Variants in PTPRM observed in about 807,000 individuals in gnomAD.
PTPRM encodes receptor-type tyrosine-protein phosphatase mu.
Under a neutral mutation model 186.7 loss-of-function variants are expected in PTPRM, and 47 were observed. The observed-to-expected ratio is 0.25, with a 90% confidence interval of 0.20 to 0.32. PTPRM has a LOEUF of 0.32. Ranked by LOEUF, PTPRM falls within the 10% of genes least tolerant of loss-of-function variation. The pLI, the probability that PTPRM is intolerant of heterozygous loss-of-function variation, is 1.00. For missense variants in PTPRM, 1,494 were observed against 1,865.0 expected (o/e 0.80, Z 3.66); for synonymous variants, 668 against 674.9 (o/e 0.99, Z 0.16).
chr18:7,966,605 T>G (rs1430109095), intron 7 of PTPRM, among the ~76,000 whole-genome samples: 3 of 147,158 alleles, frequency 2.0e-5, no homozygotes, highest in South Asian at 4.4e-4. Flanking sequence ...GCGCGCACCG[T>G]GCGCGAGCCG....
At chr18:7,634,434 C>G (rs1422895360) in intron 1 of PTPRM, among the ~76,000 whole-genome samples, 1 of 152,196 alleles carries the variant, frequency 6.6e-6, no homozygotes, top group Non-Finnish European at 1.5e-5. Flanking sequence ...TAGCTACACC[C>G]AGTTATACCA....
intron 2 of PTPRM, among the ~76,000 whole-genome samples, chr18:7,787,049 T>G (rs1482204842): frequency 6.6e-6 from 1 of 152,204 alleles, no homozygotes; most frequent in Non-Finnish European, 1.5e-5. Flanking sequence ...TACAAATAAT[T>G]GGTTTTATAC....
At chr18:8,046,177 A>T (rs34622689) in intron 7 of PTPRM, among the ~76,000 whole-genome samples, 67,527 of 151,938 alleles carry the variant, frequency 0.44, 16,280 homozygotes, top group Non-Finnish European at 0.55. Flanking sequence ...CCATGACTGT[A>T]AGTTTCCTGA....
rs560893801 is a variant in PTPRM at position 8,390,755 on chromosome 18, C to T, written c.4208+3520C>T. The stretch of plus-strand genomic sequence containing the variant: ...CATCCTGGCTAACACGGTGAAACCC[C>T]GTCTCTACTGAAACTACAAAAAATT... On this transcript the variant is annotated intron_variant, in intron 31 of 32. Transcript: ENST00000580170. 9.7e-4 allele frequency among the ~76,000 whole-genome samples: 147 copies of T among 152,008 alleles called. 1 individual carries two copies. The highest frequency in any genetic ancestry group is 3.3e-3 in the African/African-American group (137 of 41,446).
chr18:8,266,197 C>G (rs1424764798), intron 19 of PTPRM, among the ~76,000 whole-genome samples: 1 of 152,084 alleles, frequency 6.6e-6, no homozygotes, highest in African/African-American at 2.4e-5. Context: ...TATTAGCACA[C>G]TTTTGTATCA....
At chr18:7,785,198 G>T (rs1418123281) in intron 2 of PTPRM, among the ~76,000 whole-genome samples, 2 of 152,118 alleles carry the variant, frequency 1.3e-5, no homozygotes, top group Non-Finnish European at 2.9e-5. Flanking sequence ...TGATTTGAGT[G>T]TTGATTTCTG....
chr18:7,925,693 A>C (rs949132999), intron 4 of PTPRM, among the ~76,000 whole-genome samples: 2 of 151,986 alleles, frequency 1.3e-5, no homozygotes, highest in Non-Finnish European at 2.9e-5. Context: ...TGTGGGAAGC[A>C]CTCTGCTGTG....
At chr18:8,160,710 G>C (rs989810428) in intron 14 of PTPRM, among the ~76,000 whole-genome samples, 1 of 152,158 alleles carries the variant, frequency 6.6e-6, no homozygotes, top group Non-Finnish European at 1.5e-5. Flanking sequence ...CAGTGGCTAG[G>C]CTGCAGCCTA....
rs141276757 is a variant in PTPRM at position 8,113,643 on chromosome 18, G to A, written c.2014G>A (p.Ala672Thr). The stretch of plus-strand genomic sequence containing the variant: ...AGAATTTCCTGCAGACAGCCTCCAA[G>A]CTGCGCAGCCTTTTACAATTGGTGA... ...AAEFPADSLQAAQPFTIGDNK... is the reference protein window; with the variant it reads ...AAEFPADSLQTAQPFTIGDNK... Residue 672 changes from alanine (A) to threonine (T), a missense_variant, in exon 12 of 33, where the codon GCT becomes ACT. Ala to Thr is a moderately conservative substitution (Grantham distance 58, BLOSUM62 0). Transcript: ENST00000580170. 32 of 1,613,952 alleles carry A rather than the reference G, an allele frequency of 2.0e-5. No individual in the cohort carries two copies. The African/African-American group carries it at 3.5e-4, about 18-fold the overall frequency.
At chr18:8,252,319 T>C (rs7505565) in intron 17 of PTPRM, among the ~76,000 whole-genome samples, 169 bp from the exon 18 acceptor site, 4,939 of 152,324 alleles carry the variant, frequency 0.032, 278 homozygotes, top group African/African-American at 0.11. Flanking sequence ...CATCCTAACG[T>C]GATGGAAGAA....
intron 1 of PTPRM, among the ~76,000 whole-genome samples, chr18:7,632,485 T>A (rs2038215256): frequency 6.6e-6 from 1 of 152,228 alleles, no homozygotes; most frequent in South Asian, 2.1e-4. Context: ...TCTTCAGTGA[T>A]GCAAATCACC....
intron 1 of PTPRM, among the ~76,000 whole-genome samples, chr18:7,629,280 C>G (rs916790845): frequency 6.6e-6 from 1 of 152,032 alleles, no homozygotes; most frequent in Non-Finnish European, 1.5e-5. Flanking sequence ...AATTAAATGC[C>G]GAGATTAGAG....
chr18:8,378,126 A>T, intron 26 of PTPRM, 139 bp from the exon 27 acceptor site: 1 of 825,312 alleles, frequency 1.2e-6, no homozygotes, highest in South Asian at 1.8e-5. Context: ...CCAGTCTCCT[A>T]GCACTTGAGC....
chr18:7,912,506 T>C (rs1165974336), intron 4 of PTPRM, among the ~76,000 whole-genome samples: 3 of 152,058 alleles, frequency 2.0e-5, no homozygotes, highest in Non-Finnish European at 4.4e-5. Flanking sequence ...CTATTCTGAA[T>C]CCTTTGTACT....
At chr18:8,241,151 A>T (rs949465924) in intron 14 of PTPRM, among the ~76,000 whole-genome samples, 2 of 152,148 alleles carry the variant, frequency 1.3e-5, no homozygotes, top group South Asian at 4.1e-4. Flanking sequence ...AACATGGCGA[A>T]ACCCCACCTC....
intron 6 of PTPRM, among the ~76,000 whole-genome samples, chr18:7,954,826 A>C (rs547489162): frequency 6.6e-6 from 1 of 152,236 alleles, no homozygotes; most frequent in Non-Finnish European, 1.5e-5. Context: ...CATTACAAAA[A>C]GTATCAGATA....
intron 14 of PTPRM, among the ~76,000 whole-genome samples, chr18:8,228,385 A>G (rs989107511): frequency 2.0e-5 from 3 of 152,276 alleles, no homozygotes; most frequent in African/African-American, 7.2e-5. Context: ...ATAATGAGAG[A>G]CAGTGATGAT....
At chr18:7,666,008 C>T (rs758892485) in intron 1 of PTPRM, among the ~76,000 whole-genome samples, 8 of 152,064 alleles carry the variant, frequency 5.3e-5, no homozygotes, top group Non-Finnish European at 1.2e-4. Flanking sequence ...GATAAATTGA[C>T]TGATGGCAAA....
At chr18:7,657,504 A>G (rs551112790) in intron 1 of PTPRM, among the ~76,000 whole-genome samples, 5 of 152,324 alleles carry the variant, frequency 3.3e-5, no homozygotes, top group African/African-American at 1.2e-4. Flanking sequence ...CACCTCGCTC[A>G]TCACTAGTTG....
Sources: gnomAD v4.1 joint callset for allele counts (sites outside exome capture counted in the v4.1 genomes callset) on GRCh38, gnomAD v4.1.1 for gene constraint, MANE v1.5 for transcripts, NCBI Gene and HGNC (gene_info 2026-07-23, HGNC 2026-07-21) for gene names.